The following NECTIN1 variants were observed in gnomAD, a reference collection of about 807,000 sequenced individuals.
NECTIN1 encodes nectin-1.
A neutral mutation model predicts 48.0 loss-of-function variants in NECTIN1; 23 were observed. The ratio of observed to expected loss-of-function variants is 0.48; its 90% confidence interval spans 0.34 to 0.68. The LOEUF (loss-of-function observed/expected upper bound fraction) is 0.68, where lower values mean the gene tolerates loss of function less well. NECTIN1 is among the 30% of genes least tolerant of loss of function. NECTIN1 has a pLI of 0.01. For missense variants in NECTIN1, 591 were observed against 709.9 expected, an observed-to-expected ratio of 0.83 and a Z score of 1.90; for synonymous variants, 270 against 288.9, an observed-to-expected ratio of 0.93 and a Z score of 0.66.
chr11:119,677,191 A>G lies in NECTIN1; in HGVS notation c.762T>C (p.Phe254=). 6.2e-7 allele frequency: 1 copy of G among 1,614,158 alleles called. No homozygotes were observed. The highest frequency in any genetic ancestry group is 8.5e-7 in the Non-Finnish European group (1 of 1,180,022). The change falls in exon 4 of 6, where the codon TTT becomes TTC. Residue 254 remains phenylalanine (F), a synonymous_variant. Transcript: ENST00000264025. This position sits in a 1 kb window ranked among gnomAD's most constrained non-coding sequence, Gnocchi z 5.4. ...QYEPEVTIEG[F]DGNWYLQRMD... is the part of the protein sequence containing the mutation. The stretch of plus-strand genomic sequence containing the variant: ...TCCGCTGCAGGTACCAGTTGCCATC[A>G]AACCCCTCAATGGTTACCTCAGGCT...
intron 1 of NECTIN1, among the ~76,000 whole-genome samples, chr11:119,721,668 G>A (rs115965502): frequency 6.6e-6 from 1 of 152,326 alleles, no homozygotes; most frequent in African/African-American, 2.4e-5. Flanking sequence ...CTGCTGCTCT[G>A]TCTAGTCCAC....
chr11:119,662,221 C>CTAGA lies in NECTIN1; in HGVS notation c.*2522_*2525dup. ...AAAATGTCCTCATCTCTCTGCTGGG[C>CTAGA]TAGACCTCCCTTTTGCCAGCTGGCT... On this transcript the variant is annotated 3_prime_UTR_variant, in exon 6 of 6. Transcript: ENST00000264025. This position sits in a 1 kb window ranked among gnomAD's most constrained non-coding sequence, Gnocchi z 5.3. The CTAGA allele has an allele frequency of 1.0e-6, 1 of 985,518 alleles. No individual in the cohort carries two copies. Among genetic ancestry groups the CTAGA allele is most frequent in the Non-Finnish European group, 1.2e-6 (1 of 829,950 alleles). 61.0% of individuals were successfully genotyped at this position (985,518 alleles called of 1,614,324 possible).
At chr11:119,655,773 C>T (rs1864563690) in intron 5 of NECTIN1, among the ~76,000 whole-genome samples, 1 of 152,026 alleles carries the variant, frequency 6.6e-6, no homozygotes, top group South Asian at 2.1e-4. Context: ...GAAGGGTAGC[C>T]CTGTGGCATC....
chr11:119,670,433 T>G (rs952706476), intron 5 of NECTIN1, among the ~76,000 whole-genome samples: 2 of 152,186 alleles, frequency 1.3e-5, no homozygotes, highest in East Asian at 3.9e-4. Context: ...CAGAATGAAT[T>G]CTACAATGGC....
chr11:119,649,725 A>ATGTT (rs1430597180), intron 5 of NECTIN1, among the ~76,000 whole-genome samples: 12 of 152,198 alleles, frequency 7.9e-5, no homozygotes, highest in Admixed American at 4.6e-4. Context: ...AAAATAAGAA[A>ATGTT]AACAGGAAAT....
intron 1 of NECTIN1, among the ~76,000 whole-genome samples, chr11:119,701,026 G>A (rs1275996229): frequency 6.6e-6 from 1 of 152,180 alleles, no homozygotes; most frequent in African/African-American, 2.4e-5. Context: ...CTGCAGTGGG[G>A]CAGATGTGGG....
intron 5 of NECTIN1, among the ~76,000 whole-genome samples, chr11:119,645,535 C>A (rs1864386143): frequency 6.6e-6 from 1 of 152,162 alleles, no homozygotes; most frequent in Admixed American, 6.5e-5. Flanking sequence ...GCTCAGGGAC[C>A]AACAGTGGCC....
chr11:119,710,985 T>G (rs1159377451), intron 1 of NECTIN1, among the ~76,000 whole-genome samples: 2 of 147,518 alleles, frequency 1.4e-5, no homozygotes, highest in African/African-American at 5.0e-5. Flanking sequence ...CAAAATGAGA[T>G]GGGAGGGGAG....
chr11:119,724,105 G>A (rs1468995837), intron 1 of NECTIN1, among the ~76,000 whole-genome samples: 2 of 152,144 alleles, frequency 1.3e-5, no homozygotes, highest in East Asian at 3.9e-4. Flanking sequence ...CCCTCATGGA[G>A]GACCAAAGCT....
intron 1 of NECTIN1, among the ~76,000 whole-genome samples, chr11:119,694,384 T>C (rs537310750): frequency 3.9e-5 from 6 of 152,262 alleles, no homozygotes; most frequent in African/African-American, 1.4e-4. Flanking sequence ...AAATGTACTG[T>C]GGTGGTTTCT....
chr11:119,661,189 C>T lies in NECTIN1; in HGVS notation c.*3558G>A. Reference sequence around the variant, plus strand: ...CGCCGAAGCAAGGTAGCGCATCACGCTGGGAGGGGAGGGTGGCAGCTTCTC... The same window carrying T: ...CGCCGAAGCAAGGTAGCGCATCACGTTGGGAGGGGAGGGTGGCAGCTTCTC... On this transcript the variant is annotated 3_prime_UTR_variant, in exon 6 of 6. Transcript: ENST00000264025. The T allele has an allele frequency of 7.1e-6, 7 of 985,858 alleles. No homozygotes were observed. Among genetic ancestry groups the T allele is most frequent in the Non-Finnish European group, 8.4e-6 (7 of 829,936 alleles). The allele number at this position is 985,858 out of a possible 1,614,324, so 61.1% of individuals were successfully genotyped here. A position where few individuals can be genotyped will look rare whatever the true frequency, so the allele number is the denominator to read the frequency against.
At chr11:119,653,608 C>G (rs576362673) in intron 5 of NECTIN1, among the ~76,000 whole-genome samples, 182 of 152,312 alleles carry the variant, frequency 1.2e-3, no homozygotes, top group Middle Eastern at 3.4e-3. Context: ...AGCTGGGATC[C>G]TACCTGGAAC....
chr11:119,640,945 C>T (rs1447245274), intron 5 of NECTIN1: 5 of 152,208 alleles, frequency 3.3e-5, no homozygotes, highest in Non-Finnish European at 5.9e-5. Flanking sequence ...ATAGAGATGC[C>T]AAATTGCAGT....
intron 5 of NECTIN1, among the ~76,000 whole-genome samples, chr11:119,671,945 G>A (rs1224593299): frequency 6.6e-6 from 1 of 152,226 alleles, no homozygotes; most frequent in Non-Finnish European, 1.5e-5. Flanking sequence ...GCATGCAGAC[G>A]GAGCCTGTTC....
chr11:119,638,866 G>A, intron 6 of NECTIN1: 3 of 1,454,338 alleles, frequency 2.1e-6, no homozygotes, highest in Admixed American at 3.4e-5. Context: ...CTCCCCATCA[G>A]GCCACCAGAC....
At chr11:119,704,607 T>C (rs1591478193) in intron 1 of NECTIN1, among the ~76,000 whole-genome samples, 1 of 152,092 alleles carries the variant, frequency 6.6e-6, no homozygotes, top group Non-Finnish European at 1.5e-5. Flanking sequence ...TGCCTGAGGG[T>C]AGGAAGAGGT....
chr11:119,678,516 C>T lies in NECTIN1; in HGVS notation c.329G>A (p.Arg110His), dbSNP rs750571284. Residue 110 changes from arginine (R) to histidine (H), a missense_variant, in exon 2 of 6, where the codon CGC becomes CAC. Coordinates refer to ENST00000264025, the MANE Select transcript of NECTIN1 (RefSeq NM_002855.5). This position sits in a 1 kb window ranked among gnomAD's most constrained non-coding sequence, Gnocchi z 4.4. ...ATCCTCCAGCTCCAGGCGGGAGAGGCGGATAGTGCCATCGGTGAAGGAGGG... is the reference window on the plus strand; with the variant it reads ...ATCCTCCAGCTCCAGGCGGGAGAGGTGGATAGTGCCATCGGTGAAGGAGGG... ...LRPSFTDGTI[R>H]LSRLELEDEG... is the part of the protein sequence containing the mutation. 1.6e-5 allele frequency: 26 copies of T among 1,614,072 alleles called. 1 individual carries two copies. Among genetic ancestry groups the T allele is most frequent in the Admixed American group, 1.0e-4 (6 of 59,992 alleles).
At chr11:119,648,264 A>G (rs61401340) in intron 5 of NECTIN1, among the ~76,000 whole-genome samples, 17,668 of 28,500 alleles carry the variant, frequency 0.62, 4,668 homozygotes, top group Non-Finnish European at 0.67. Context: ...AGGTGGTAAT[A>G]GTGGTGGTGG....
rs1864468514 is a variant in NECTIN1 at position 119,650,208 on chromosome 11, T to G, written c.1004-10196A>C. On this transcript the variant is annotated intron_variant, in intron 5 of 7. Transcript: ENST00000341398. ...CGGGCCATTTTCACTTCTTTTGTGG[T>G]GGAATGTCATCAGTTAAGGCAGGAA... 5.3e-5 allele frequency among the ~76,000 whole-genome samples: 8 copies of G among 152,220 alleles called. No homozygotes were observed. In the South Asian group the frequency reaches 1.7e-3, roughly 32 times the overall value.
Sources: gnomAD v4.1 joint callset for allele counts (sites outside exome capture counted in the v4.1 genomes callset) on GRCh38, gnomAD v4.1.1 for gene constraint, Gnocchi (gnomAD v3.1) non-coding constraint, MANE v1.5 for transcripts, NCBI Gene and HGNC (gene_info 2026-07-23, HGNC 2026-07-21) for gene names.